The following MMP16 variants were observed in gnomAD, a reference collection of about 807,000 sequenced individuals.
The protein encoded by MMP16 is matrix metalloproteinase-16.
Under a neutral mutation model 67.8 loss-of-function variants are expected in MMP16, and 12 were observed. That is an observed-to-expected ratio of 0.18 (90% confidence interval 0.11 to 0.29). The LOEUF (loss-of-function observed/expected upper bound fraction) is 0.29, where lower values mean the gene tolerates loss of function less well. Ranked by LOEUF, MMP16 falls within the 10% of genes least tolerant of loss-of-function variation. The pLI is 1.00. For missense variants in MMP16, 475 were observed against 765.7 expected, an observed-to-expected ratio of 0.62 and a Z score of 4.48; for synonymous variants, 249 against 255.9, an observed-to-expected ratio of 0.97 and a Z score of 0.26.
At chr8:88,080,991 A>G (rs1808740271) in intron 6 of MMP16, among the ~76,000 whole-genome samples, 1 of 152,096 alleles carries the variant, frequency 6.6e-6, no homozygotes, top group African/African-American at 2.4e-5. Context: ...TGCAAGCAGT[A>G]TGAGATTTCA....
At position 88,208,304 on chromosome 8, in the gene MMP16, A is replaced by G. The variant is rs537850546; in HGVS notation, c.133-10998T>C. On this transcript the variant is annotated intron_variant, in intron 1 of 9. Transcript: ENST00000286614. Reference sequence around the variant, plus strand: ...AAAGCTGCTACCCCATAAGCCTTAAAGGGAAAAGATAAACACAAGCTGCCA... The same window carrying G: ...AAAGCTGCTACCCCATAAGCCTTAAGGGGAAAAGATAAACACAAGCTGCCA... Among the ~76,000 whole-genome samples the G allele has an allele frequency of 2.0e-5, 3 of 152,340 alleles. No individual in the cohort carries two copies. In the East Asian group the frequency reaches 5.8e-4, roughly 29 times the overall value.
At chr8:88,305,953 C>T (rs1017382335) in intron 1 of MMP16, among the ~76,000 whole-genome samples, 3 of 149,228 alleles carry the variant, frequency 2.0e-5, no homozygotes, top group Non-Finnish European at 4.4e-5. Context: ...GAACTAAAGG[C>T]GACAGAGACA....
chr8:88,255,859 T>C (rs903032508), intron 1 of MMP16, among the ~76,000 whole-genome samples: 8 of 152,140 alleles, frequency 5.3e-5, no homozygotes, highest in Non-Finnish European at 1.5e-5. Context: ...TTTTTGAAAG[T>C]GGTGGAATTC....
chr8:88,119,347 G>C (rs957955707), intron 4 of MMP16, among the ~76,000 whole-genome samples: 2 of 151,958 alleles, frequency 1.3e-5, no homozygotes, highest in Non-Finnish European at 2.9e-5. Context: ...CTGAGATTGG[G>C]ACTCAAGATA....
intron 1 of MMP16, among the ~76,000 whole-genome samples, chr8:88,200,176 AC>A (rs947826375): frequency 6.6e-6 from 1 of 152,018 alleles, no homozygotes; most frequent in African/African-American, 2.4e-5. Flanking sequence ...GTCAGGAAAG[AC>A]AAACAACATG....
chr8:88,069,356 C>T (rs1000706803), intron 7 of MMP16: 2 of 419,850 alleles, frequency 4.8e-6, no homozygotes, highest in Non-Finnish European at 9.7e-6. Flanking sequence ...ATTTTCAATT[C>T]CTGATTGTTC....
intron 1 of MMP16, among the ~76,000 whole-genome samples, chr8:88,282,308 T>C (rs1810755053): frequency 6.6e-6 from 1 of 152,020 alleles, no homozygotes; most frequent in Non-Finnish European, 1.5e-5. Context: ...CTCCTGACCT[T>C]GTGATCCACC....
At chr8:88,224,788 G>T (rs1242597961) in intron 1 of MMP16, among the ~76,000 whole-genome samples, 1 of 151,974 alleles carries the variant, frequency 6.6e-6, no homozygotes, top group Non-Finnish European at 1.5e-5. Context: ...ACAAAGCTAA[G>T]CAGGTTTCTT....
intron 1 of MMP16, among the ~76,000 whole-genome samples, chr8:88,228,955 G>T (rs1586215754): frequency 6.6e-6 from 1 of 151,898 alleles, no homozygotes; most frequent in East Asian, 1.9e-4. Context: ...GAGCCCAGGA[G>T]TTGAAGACCA....
chr8:88,083,953 T>C (rs952810846), intron 6 of MMP16, among the ~76,000 whole-genome samples: 1 of 152,012 alleles, frequency 6.6e-6, no homozygotes, highest in Non-Finnish European at 1.5e-5. Context: ...CATGCAATTA[T>C]AAGAAATAAC....
chr8:88,135,684 AT>A (rs1808106786), intron 4 of MMP16, among the ~76,000 whole-genome samples: 1 of 151,936 alleles, frequency 6.6e-6, no homozygotes, highest in Admixed American at 6.6e-5. Context: ...AGAAAATGAG[AT>A]AACGGACAAA....
In MMP16 at chr8:88,035,553, T is replaced by C. The variant is rs1477698188; in HGVS notation, c.*5908A>G. On this transcript the variant is annotated 3_prime_UTR_variant, in exon 10 of 10. Transcript: ENST00000286614. The surrounding 1 kb of genome is among the most constrained non-coding windows in gnomAD (Gnocchi z 4.7). The stretch of plus-strand genomic sequence containing the variant: ...ATGAGTTCTGGTTTATGCCCTTATT[T>C]GCCTTAGAAAACATTAGTTATGAAT... 6.6e-6 allele frequency: 1 copy of C among 152,064 alleles called. No individual in the cohort carries two copies. The highest frequency in any genetic ancestry group is 1.5e-5 in the Non-Finnish European group (1 of 67,940). The allele number at this position is 152,064 out of a possible 1,614,324, so 9.4% of individuals were successfully genotyped here. A position where few individuals can be genotyped will look rare whatever the true frequency, so the allele number is the denominator to read the frequency against.
At position 88,282,076 on chromosome 8, in the gene MMP16, CTT is replaced by C. The variant is rs67009911; in HGVS notation, c.132+44997_132+44998del. 6.1e-3 allele frequency among the ~76,000 whole-genome samples: 213 copies of C among 35,008 alleles called. 3 individuals are homozygous for C. Among genetic ancestry groups the C allele is most frequent in the Non-Finnish European group, 8.7e-3 (161 of 18,416 alleles). 23.0% of individuals were successfully genotyped at this position (35,008 alleles called of 152,430 possible). A position where few individuals can be genotyped will look rare whatever the true frequency, so the allele number is the denominator to read the frequency against. On this transcript the variant is annotated intron_variant, in intron 1 of 9. Transcript: ENST00000286614. ...TACTAAAAATTCCAGATTTTTTTTT[CTT>C]TTTTGGGGGGGGGGGGGCGACGGGG...
chr8:88,295,847 T>C (rs1811004595), intron 1 of MMP16, among the ~76,000 whole-genome samples: 1 of 152,176 alleles, frequency 6.6e-6, no homozygotes, highest in African/African-American at 2.4e-5. Context: ...ACAAGACATA[T>C]TTTTATGTGC....
chr8:88,262,009 A>G (rs1181464851), intron 1 of MMP16, among the ~76,000 whole-genome samples: 2 of 152,318 alleles, frequency 1.3e-5, no homozygotes, highest in Middle Eastern at 3.4e-3. Context: ...TGAGCTCATT[A>G]AGGCAAAGGA....
chr8:88,115,713 T>C (rs1809417292), intron 6 of MMP16, among the ~76,000 whole-genome samples: 1 of 152,060 alleles, frequency 6.6e-6, no homozygotes, highest in Non-Finnish European at 1.5e-5. Flanking sequence ...AAAATGTGGC[T>C]CTTTTAATAC....
rs1182826694 is a variant in MMP16 at position 88,135,727 on chromosome 8, G to A, written c.710-16866C>T. On this transcript the variant is annotated intron_variant, in intron 4 of 9. Coordinates refer to ENST00000286614, the MANE Select transcript of MMP16 (RefSeq NM_005941.5). ...AACCAAACACAAACAAAAAAATCCA[G>A]GATAATACCAGGTTTCTGGTTTGGA... 3.9e-5 allele frequency among the ~76,000 whole-genome samples: 6 copies of A among 151,928 alleles called. No homozygotes were observed. In the East Asian group the frequency reaches 7.8e-4, roughly 20 times the overall value.
At chr8:88,218,359 T>C (rs943344307) in intron 1 of MMP16, among the ~76,000 whole-genome samples, 5 of 151,950 alleles carry the variant, frequency 3.3e-5, no homozygotes, top group African/African-American at 1.2e-4. Context: ...AGGATTTCAA[T>C]TAAAGGGGAC....
At chr8:88,123,317 C>T (rs1376616412) in intron 4 of MMP16, among the ~76,000 whole-genome samples, 1 of 151,966 alleles carries the variant, frequency 6.6e-6, no homozygotes, top group African/African-American at 2.4e-5. Flanking sequence ...CTCTACAAAA[C>T]CCAAAAAGCT....
Sources: gnomAD v4.1 joint callset for allele counts (sites outside exome capture counted in the v4.1 genomes callset) on GRCh38, gnomAD v4.1.1 for gene constraint, Gnocchi (gnomAD v3.1) non-coding constraint, MANE v1.5 for transcripts, NCBI Gene and HGNC (gene_info 2026-07-23, HGNC 2026-07-21) for gene names.